TCF4: variants seen among roughly 807,000 people sequenced by gnomAD.
The protein encoded by TCF4 is SL3-3 enhancer factor 2.
Under a neutral mutation model 82.1 loss-of-function variants are expected in TCF4, and 3 were observed. The observed-to-expected ratio is 0.04, with a 90% CI of 0.02 to 0.09. The LOEUF is 0.09. Ranked by LOEUF, TCF4 falls within the 10% of genes least tolerant of loss-of-function variation. The probability of loss-of-function intolerance (pLI) is 1.00; values close to 1 mark genes in which losing one functional copy is unlikely to be tolerated. For missense variants in TCF4, 518 were observed against 852.7 expected, an observed-to-expected ratio of 0.61 and a Z score of 4.89; for synonymous variants, 276 against 309.6, an observed-to-expected ratio of 0.89 and a Z score of 1.14.
chr18:55,519,106 G>A (rs2096910555), intron 3 of TCF4: 1 of 152,082 alleles, frequency 6.6e-6, no homozygotes. Flanking sequence ...AACAACATAA[G>A]ACTCCCAACA....
chr18:55,386,632 T>C (rs989999640), intron 6 of TCF4, among the ~76,000 whole-genome samples: 10 of 152,064 alleles, frequency 6.6e-5, no homozygotes, highest in Non-Finnish European at 1.3e-4. Context: ...CAGGAGCATA[T>C]CAAGGAAAAA....
intron 8 of TCF4, among the ~76,000 whole-genome samples, chr18:55,294,999 T>G (rs566924156): frequency 7.2e-5 from 11 of 152,324 alleles, no homozygotes; most frequent in African/African-American, 2.6e-4. Context: ...GTTAAGACTA[T>G]GCATCATCTT....
intron 3 of TCF4, among the ~76,000 whole-genome samples, chr18:55,517,220 A>T (rs1250725219): frequency 2.6e-5 from 4 of 152,182 alleles, no homozygotes; most frequent in Non-Finnish European, 5.9e-5. Context: ...AGCATGATGT[A>T]AGCAGAGACT....
chr18:55,343,505 G>C (rs1398177182), intron 8 of TCF4, among the ~76,000 whole-genome samples: 1 of 152,128 alleles, frequency 6.6e-6, no homozygotes, highest in African/African-American at 2.4e-5. Flanking sequence ...CACTTAAGTA[G>C]AATTCTTAAA....
intron 6 of TCF4, among the ~76,000 whole-genome samples, chr18:55,395,926 CT>C (rs759929051): frequency 1.0e-3 from 152 of 152,084 alleles, no homozygotes; most frequent in Admixed American, 1.9e-3. Context: ...TTCATATAAT[CT>C]TTTTTTCCCC....
At chr18:55,445,416 A>C (rs1432772325) in intron 5 of TCF4, among the ~76,000 whole-genome samples, 1 of 152,164 alleles carries the variant, frequency 6.6e-6, no homozygotes, top group African/African-American at 2.4e-5. Context: ...GAAGCCTCAC[A>C]ATCATGGTGG....
At chr18:55,322,369 T>TA (rs1317563843) in intron 8 of TCF4, 26 of 1,006,814 alleles carry the variant, frequency 2.6e-5, no homozygotes, top group Non-Finnish European at 3.0e-5. Context: ...CTCCCAGCAT[T>TA]GTACGCAGCT....
upstream of TCF4, chr18:55,588,647 CT>C: frequency 2.2e-6 from 3 of 1,384,502 alleles, no homozygotes; most frequent in South Asian, 5.1e-5. Context: ...CAAGTTTATA[CT>C]AGGCTGCAAA....
intron 3 of TCF4, among the ~76,000 whole-genome samples, chr18:55,486,916 G>T (rs2096524043): frequency 6.6e-6 from 1 of 152,000 alleles, no homozygotes; most frequent in Non-Finnish European, 1.5e-5. Context: ...CTTTTAACTA[G>T]CACGTCTCAT....
At chr18:55,515,985 C>A (rs919933380) in intron 3 of TCF4, among the ~76,000 whole-genome samples, 1 of 152,238 alleles carries the variant, frequency 6.6e-6, no homozygotes. Context: ...AAGGTAACAG[C>A]TATTGAGACT....
chr18:55,484,563 T>C (rs2145658039), intron 3 of TCF4, among the ~76,000 whole-genome samples: 1 of 152,330 alleles, frequency 6.6e-6, no homozygotes, highest in Non-Finnish European at 1.5e-5. Context: ...AAATCTCGTC[T>C]TTTTCTTAAT....
intron 11 of TCF4, among the ~76,000 whole-genome samples, chr18:55,264,033 T>C (rs571742968): frequency 3.3e-5 from 5 of 152,046 alleles, no homozygotes; most frequent in Non-Finnish European, 7.4e-5. Flanking sequence ...CTAAACAAAG[T>C]ATTGAAAACC....
At chr18:55,284,619 C>A (rs192112460) in intron 8 of TCF4, among the ~76,000 whole-genome samples, 128 of 152,260 alleles carry the variant, frequency 8.4e-4, no homozygotes, top group African/African-American at 3.0e-3. Context: ...CACGTTACTA[C>A]CCCCTGGTGA....
At chr18:55,493,979 G>T (rs2096603046) in intron 3 of TCF4, among the ~76,000 whole-genome samples, 1 of 152,042 alleles carries the variant, frequency 6.6e-6, no homozygotes, top group African/African-American at 2.4e-5. Flanking sequence ...TTAGAAGATT[G>T]AAAAATATTG....
At chr18:55,309,094 T>TTTATTA (rs550139145) in intron 8 of TCF4, among the ~76,000 whole-genome samples, 2 of 151,586 alleles carry the variant, frequency 1.3e-5, no homozygotes, top group African/African-American at 2.4e-5. Flanking sequence ...ACATCATTTA[T>TTTATTA]TTATTATTAT....
chr18:55,464,030 A>T (rs1265258555), intron 4 of TCF4, 46 bp downstream of exon 4: 10 of 1,551,262 alleles, frequency 6.4e-6, no homozygotes, highest in African/African-American at 1.4e-5. Context: ...GTCAATTTAC[A>T]TATGTGGGAT....
intron 8 of TCF4, among the ~76,000 whole-genome samples, chr18:55,286,352 A>C (rs185655117): frequency 2.1e-4 from 30 of 146,076 alleles, no homozygotes; most frequent in Admixed American, 1.9e-3. Context: ...TTACTTTCAC[A>C]TCTACTGCCC....
Position 55,269,903 on chromosome 18 carries a change from G to A in TCF4, c.850C>T (p.His284Tyr), listed in dbSNP as rs869312695. ...NSSLPPMSTFHRSGTNHYSTS... is the reference protein window; with the variant it reads ...NSSLPPMSTFYRSGTNHYSTS... ...CTGTAATGGTTTGTACCACTACGAT[G>A]GAAAGTGGACATCGGAGGAAGACTG... is the stretch of plus-strand genomic sequence containing the variant. Residue 284 changes from histidine (H) to tyrosine (Y), a missense_variant, in exon 11 of 20, where the codon CAT becomes TAT. His to Tyr is a moderately conservative substitution (Grantham distance 83). This residue lies in a region of TCF4 where 211 missense variants were observed against 327.4 expected (regional missense o/e 0.64). Coordinates refer to ENST00000354452, the MANE Select transcript of TCF4 (RefSeq NM_001083962.2). The A allele has an allele frequency of 1.2e-6, 2 of 1,613,394 alleles. No homozygotes were observed. Among genetic ancestry groups the A allele is most frequent in the Non-Finnish European group, 1.7e-6 (2 of 1,179,526 alleles).
At chr18:55,295,237 T>C (rs1175511422) in intron 8 of TCF4, among the ~76,000 whole-genome samples, 1 of 152,230 alleles carries the variant, frequency 6.6e-6, no homozygotes, top group Non-Finnish European at 1.5e-5. Flanking sequence ...TTTATATTTA[T>C]GATCTGTTTT....
Sources: gnomAD v4.1 joint callset for allele counts (sites outside exome capture counted in the v4.1 genomes callset) on GRCh38, gnomAD v4.1.1 for gene constraint, gnomAD v4.1.1 regional missense constraint, MANE v1.5 for transcripts, NCBI Gene and HGNC (gene_info 2026-07-23, HGNC 2026-07-21) for gene names.